The following COL23A1 variants were observed in gnomAD, a reference collection of about 807,000 sequenced individuals.
COL23A1 encodes collagen type XXIII alpha 1 chain.
In COL23A1, 97 loss-of-function variants were observed where a neutral mutation model predicts 99.3. The observed-to-expected ratio is 0.98, with a 90% CI of 0.83 to 1.16. COL23A1 has a LOEUF of 1.16. Ranked by LOEUF, COL23A1 falls within the 50% of genes most tolerant of loss-of-function variation. The pLI is 0.00. For missense variants in COL23A1, 762 were observed against 757.4 expected, an observed-to-expected ratio of 1.01 and a Z score of -0.07; for synonymous variants, 320 against 308.2, an observed-to-expected ratio of 1.04 and a Z score of -0.40.
chr5:178,323,785 C>T (rs971055348), intron 2 of COL23A1, among the ~76,000 whole-genome samples: 34 of 152,272 alleles, frequency 2.2e-4, no homozygotes, highest in Non-Finnish European at 3.7e-4. Flanking sequence ...ATGAGCCATG[C>T]GCTGTGCTGG....
chr5:178,535,558 G>A (rs180898778), intron 2 of COL23A1, among the ~76,000 whole-genome samples: 18 of 152,388 alleles, frequency 1.2e-4, no homozygotes, highest in African/African-American at 4.3e-4. Context: ...GGCTCACAGG[G>A]AACCCTGGTG....
rs11739349 is a variant in COL23A1 at position 178,387,315 on chromosome 5, T to C, written c.362-80396A>G. 6.6e-6 allele frequency among the ~76,000 whole-genome samples: 1 copy of C among 152,132 alleles called. No homozygotes were observed. Among genetic ancestry groups the C allele is most frequent in the Admixed American group, 6.5e-5 (1 of 15,282 alleles). The stretch of plus-strand genomic sequence containing the variant: ...CTTCTCTTCCTCGTCTCCTTCCACA[T>C]GCCCTTCAAATGTCCAGCCCTGGTC... On this transcript the variant is annotated intron_variant, in intron 2 of 28. Transcript: ENST00000390654. The surrounding 1 kb of genome is among the most constrained non-coding windows in gnomAD (Gnocchi z 4.7).
chr5:178,429,487 A>C (rs1405298352), intron 2 of COL23A1, among the ~76,000 whole-genome samples: 1 of 152,238 alleles, frequency 6.6e-6, no homozygotes, highest in Admixed American at 6.5e-5. Flanking sequence ...TTTTCTTCCC[A>C]AACAGATAGC....
At chr5:178,285,277 A>G (rs563009160) in intron 5 of COL23A1, among the ~76,000 whole-genome samples, 2 of 152,326 alleles carry the variant, frequency 1.3e-5, no homozygotes, top group South Asian at 4.1e-4. Flanking sequence ...CCACCACCAG[A>G]GTCTCCTGCC....
At chr5:178,514,230 G>T (rs1426061878) in intron 2 of COL23A1, among the ~76,000 whole-genome samples, 3 of 152,218 alleles carry the variant, frequency 2.0e-5, no homozygotes, top group Non-Finnish European at 4.4e-5. Flanking sequence ...GCTGGAACAT[G>T]TGTCAGAATC....
intron 2 of COL23A1, among the ~76,000 whole-genome samples, chr5:178,385,901 C>A (rs1763644743): frequency 6.6e-6 from 1 of 152,148 alleles, no homozygotes; most frequent in African/African-American, 2.4e-5. Flanking sequence ...GGATTTCATA[C>A]AATATTTCAC....
intron 2 of COL23A1, among the ~76,000 whole-genome samples, chr5:178,491,646 C>G (rs1018302734): frequency 6.6e-6 from 1 of 151,928 alleles, no homozygotes; most frequent in Non-Finnish European, 1.5e-5. Context: ...GAGCCTGGGG[C>G]AAGGGAGATT....
intron 2 of COL23A1, among the ~76,000 whole-genome samples, chr5:178,408,058 C>T (rs1238115540): frequency 1.3e-5 from 2 of 152,130 alleles, no homozygotes; most frequent in Admixed American, 1.3e-4. Context: ...CTTCTGAAAA[C>T]TCAAGGCAAA....
At chr5:178,504,267 T>C (rs547029052) in intron 2 of COL23A1, among the ~76,000 whole-genome samples, 1 of 152,126 alleles carries the variant, frequency 6.6e-6, no homozygotes, top group African/African-American at 2.4e-5. Context: ...AACTGCTAAG[T>C]TGGGCAGACA....
chr5:178,498,257 T>A (rs868866437), intron 2 of COL23A1, among the ~76,000 whole-genome samples: 30 of 83,750 alleles, frequency 3.6e-4, no homozygotes, highest in South Asian at 2.3e-3. Context: ...TATATATATA[T>A]AAAAGAACTT....
chr5:178,539,564 A>G lies in COL23A1; in HGVS notation c.361+21118T>C, dbSNP rs868507510. Among the ~76,000 whole-genome samples the G allele has an allele frequency of 6.7e-3, 919 of 137,276 alleles. 8 individuals are homozygous for G. Among genetic ancestry groups the G allele is most frequent in the African/African-American group, 0.019 (698 of 36,554 alleles). The allele number at this position is 137,276 out of a possible 152,430, so 90.1% of individuals were successfully genotyped here. A position where few individuals can be genotyped will look rare whatever the true frequency, so the allele number is the denominator to read the frequency against. ...CTGTCTCAAAAAAAAAAAAAAAAAA[A>G]AAAAGAAAAAGAAAGAAAGGGAAAA... is the stretch of plus-strand genomic sequence containing the variant. On this transcript the variant is annotated intron_variant, in intron 2 of 28. Transcript: ENST00000390654.
At chr5:178,449,522 T>C (rs1382912661) in intron 2 of COL23A1, among the ~76,000 whole-genome samples, 3 of 152,168 alleles carry the variant, frequency 2.0e-5, no homozygotes, top group South Asian at 2.1e-4. Context: ...TTTTCTATGG[T>C]TGGATGCAAA....
intron 2 of COL23A1, among the ~76,000 whole-genome samples, chr5:178,511,272 C>T (rs1446252012): frequency 1.3e-5 from 2 of 152,122 alleles, no homozygotes; most frequent in Non-Finnish European, 2.9e-5. Flanking sequence ...ATTCATAATT[C>T]CAGTATATGG....
intron 2 of COL23A1, among the ~76,000 whole-genome samples, chr5:178,381,976 C>T (rs757743613): frequency 2.0e-5 from 3 of 152,208 alleles, no homozygotes; most frequent in African/African-American, 7.2e-5. Flanking sequence ...GTGCCCCCTC[C>T]GGTGGGAATC....
In COL23A1 at chr5:178,349,060, T is replaced by G. The variant is rs532918722; in HGVS notation, c.362-42141A>C. ...TCTTCCTGCGTCTTGCCGGGCAGTCTGGAAGGGATTCTCGGTAGAGCCGAC... is the reference window on the plus strand; with the variant it reads ...TCTTCCTGCGTCTTGCCGGGCAGTCGGGAAGGGATTCTCGGTAGAGCCGAC... On this transcript the variant is annotated intron_variant, in intron 2 of 28. Coordinates refer to ENST00000390654, the MANE Select transcript of COL23A1 (RefSeq NM_173465.4). Among the ~76,000 whole-genome samples, 3 of 152,116 alleles carry G rather than the reference T, an allele frequency of 2.0e-5. No individual in the cohort carries two copies. The South Asian group carries it at 6.2e-4, about 32-fold the overall frequency.
intron 2 of COL23A1, among the ~76,000 whole-genome samples, chr5:178,407,388 CAG>C (rs1340994687): frequency 1.3e-5 from 2 of 152,180 alleles, no homozygotes; most frequent in Admixed American, 6.5e-5. Flanking sequence ...TAACAAAATC[CAG>C]AGTCTCATAG....
In COL23A1 at chr5:178,477,947, C is replaced by T. The variant is rs563485584; in HGVS notation, c.361+82735G>A. ...TTAGACAAAACTAGACATGAGAAGG[C>T]AGGTGCCAGTTATCAGAGAGGCAGC... is the stretch of plus-strand genomic sequence containing the variant. On this transcript the variant is annotated intron_variant, in intron 2 of 28. Transcript: ENST00000390654. Among the ~76,000 whole-genome samples, 11 of 152,340 alleles carry T rather than the reference C, an allele frequency of 7.2e-5. No individual in the cohort carries two copies. In the South Asian group the frequency reaches 2.3e-3, roughly 32 times the overall value.
intron 1 of COL23A1, among the ~76,000 whole-genome samples, chr5:178,587,144 G>T (rs529428387): frequency 2.6e-5 from 4 of 152,264 alleles, no homozygotes; most frequent in African/African-American, 9.6e-5. Flanking sequence ...AAGATGGGGG[G>T]ATTGATTACT....
chr5:178,461,786 A>T (rs1044731788), intron 2 of COL23A1, among the ~76,000 whole-genome samples: 1 of 152,260 alleles, frequency 6.6e-6, no homozygotes, highest in African/African-American at 2.4e-5. Context: ...TATTGAGGAC[A>T]CTGGTAGGGT....
Sources: allele counts gnomAD v4.1 joint callset (sites outside exome capture counted in the v4.1 genomes callset), GRCh38; gene constraint gnomAD v4.1.1; non-coding constraint Gnocchi (gnomAD v3.1); transcripts MANE v1.5; gene names NCBI Gene and HGNC (gene_info 2026-07-23, HGNC 2026-07-21).